The following PDE3A variants were observed in gnomAD, a reference collection of about 807,000 sequenced individuals.
PDE3A encodes phosphodiesterase 3A, also known as cGMP-inhibited 3',5'-cyclic phosphodiesterase 3A.
In PDE3A, 43 loss-of-function variants were observed where a neutral mutation model predicts 98.3. The ratio of observed to expected loss-of-function variants is 0.44; its 90% CI spans 0.34 to 0.56. PDE3A has a LOEUF of 0.56. Ranked by LOEUF, PDE3A falls within the 20% of genes least tolerant of loss-of-function variation. PDE3A has a pLI of 0.01. For synonymous variants in PDE3A, 663 were observed against 567.9 expected, an observed-to-expected ratio of 1.17 and a Z score of -2.38; for missense variants, 1,427 against 1,440.7, an observed-to-expected ratio of 0.99 and a Z score of 0.15.
intron 1 of PDE3A, among the ~76,000 whole-genome samples, chr12:20,416,538 T>C (rs796443999): frequency 3.9e-5 from 6 of 152,304 alleles, no homozygotes; most frequent in African/African-American, 1.4e-4. Context: ...AAATAAAATC[T>C]TCTAAAGTTT....
intron 1 of PDE3A, among the ~76,000 whole-genome samples, chr12:20,378,827 T>C (rs996857256): frequency 1.3e-5 from 2 of 151,730 alleles, no homozygotes; most frequent in Non-Finnish European, 3.0e-5. Flanking sequence ...CTTTTTTTTT[T>C]GGTCAGTCTT....
intron 1 of PDE3A, among the ~76,000 whole-genome samples, chr12:20,399,893 G>T (rs10841507): frequency 2.6e-5 from 4 of 152,160 alleles, no homozygotes; most frequent in African/African-American, 9.7e-5. Flanking sequence ...GCAATCATTT[G>T]TGTATTTGTA....
At chr12:20,371,793 G>A (rs1330182303) in intron 1 of PDE3A, among the ~76,000 whole-genome samples, 2 of 152,152 alleles carry the variant, frequency 1.3e-5, no homozygotes, top group Admixed American at 6.5e-5. Context: ...AATGGAGTAA[G>A]TTATCTATTT....
intron 1 of PDE3A, among the ~76,000 whole-genome samples, chr12:20,550,566 A>ATAAAT (rs558443649): frequency 6.6e-6 from 1 of 152,220 alleles, no homozygotes; most frequent in Non-Finnish European, 1.5e-5. Flanking sequence ...CAGTAAATCC[A>ATAAAT]TAAATTAAAA....
intron 1 of PDE3A, among the ~76,000 whole-genome samples, chr12:20,403,288 C>T (rs1401014556): frequency 2.0e-5 from 3 of 152,118 alleles, no homozygotes; most frequent in Non-Finnish European, 4.4e-5. Flanking sequence ...AGTATGTGTG[C>T]CTCTTTAAAT....
chr12:20,446,907 A>G (rs1944966207), intron 1 of PDE3A, among the ~76,000 whole-genome samples: 1 of 152,202 alleles, frequency 6.6e-6, no homozygotes, highest in African/African-American at 2.4e-5. Context: ...CTGCAGTCCA[A>G]GGAGAAAAAA....
At chr12:20,492,263 T>A (rs914873907) in intron 1 of PDE3A, among the ~76,000 whole-genome samples, 3 of 152,022 alleles carry the variant, frequency 2.0e-5, no homozygotes, top group African/African-American at 7.2e-5. Flanking sequence ...GGATTACAAG[T>A]GTGAGCCACT....
At chr12:20,432,623 A>C (rs1944716824) in intron 1 of PDE3A, among the ~76,000 whole-genome samples, 1 of 152,190 alleles carries the variant, frequency 6.6e-6, no homozygotes, top group African/African-American at 2.4e-5. Flanking sequence ...TTAATAAAAT[A>C]GGTCAAAAAA....
intron 2 of PDE3A, among the ~76,000 whole-genome samples, chr12:20,609,612 A>G (rs917621998): frequency 3.3e-5 from 5 of 152,056 alleles, no homozygotes; most frequent in Admixed American, 2.0e-4. Context: ...CTGAGGGGAA[A>G]ACGGTTGAAG....
At chr12:20,399,635 A>G (rs1284411286) in intron 1 of PDE3A, among the ~76,000 whole-genome samples, 3 of 152,232 alleles carry the variant, frequency 2.0e-5, no homozygotes, top group Non-Finnish European at 4.4e-5. Context: ...ATCCTAGAGA[A>G]GCAAAGAAGC....
At chr12:20,568,856 A>G (rs1397245871) in intron 2 of PDE3A, among the ~76,000 whole-genome samples, 1 of 152,008 alleles carries the variant, frequency 6.6e-6, no homozygotes, top group Non-Finnish European at 1.5e-5. Context: ...TAGTTTAGAG[A>G]GCATGGAAAA....
intron 1 of PDE3A, among the ~76,000 whole-genome samples, chr12:20,405,996 A>T (rs1944226117): frequency 2.0e-5 from 3 of 152,132 alleles, no homozygotes; most frequent in Admixed American, 2.0e-4. Context: ...GGCTTATTTC[A>T]CTTAGCATGA....
rs1945728713 is a variant in PDE3A at position 20,679,893 on chromosome 12, TA to T, written c.3185-135del. 3 of 62,624 alleles carry T rather than the reference TA, an allele frequency of 4.8e-5. 1 individual carries two copies. The highest frequency in any genetic ancestry group is 9.8e-5 in the Non-Finnish European group (3 of 30,542). The allele number at this position is 62,624 out of a possible 1,614,324, so 3.9% of individuals were successfully genotyped here. On this transcript the variant is annotated intron_variant, in intron 15 of 15. Transcript: ENST00000359062. The stretch of plus-strand genomic sequence containing the variant: ...TATAATATATATATTATATATATAA[TA>T]ATATATATATAATATAATATAATAT...
intron 1 of PDE3A, among the ~76,000 whole-genome samples, chr12:20,413,490 T>C (rs1944368972): frequency 6.6e-6 from 1 of 152,096 alleles, no homozygotes; most frequent in African/African-American, 2.4e-5. Context: ...CATGACTGTA[T>C]TTCTCCTGTG....
Position 20,687,344 on chromosome 12 carries a change from C to T in PDE3A, c.*7073C>T, listed in dbSNP as rs531543305. ...TAATTTAGTATTATAGTATTGCTAA[C>T]TTTAATAATTCTACCATATCTATAT... On this transcript the variant is annotated 3_prime_UTR_variant, in exon 16 of 16. Transcript: ENST00000359062. Among the ~76,000 whole-genome samples, 87 of 152,062 alleles carry T rather than the reference C, an allele frequency of 5.7e-4. No individual in the cohort carries two copies. Among genetic ancestry groups the T allele is most frequent in the African/African-American group, 2.1e-3 (86 of 41,522 alleles).
intron 2 of PDE3A, among the ~76,000 whole-genome samples, chr12:20,576,608 G>A (rs60644227): frequency 0.017 from 2,588 of 152,168 alleles, 71 homozygotes; most frequent in African/African-American, 0.06. Context: ...GCAATAAACA[G>A]AAAAGAGAAA....
At chr12:20,487,921 AG>A (rs1396804896) in intron 1 of PDE3A, among the ~76,000 whole-genome samples, 2 of 152,146 alleles carry the variant, frequency 1.3e-5, no homozygotes, top group Non-Finnish European at 2.9e-5. Context: ...TTTTTAATAC[AG>A]CTCATATTGA....
At chr12:20,518,566 TA>T (rs5796865) in intron 1 of PDE3A, among the ~76,000 whole-genome samples, 143,886 of 151,770 alleles carry the variant, frequency 0.95, 68,298 homozygotes, top group East Asian at 1. Flanking sequence ...ATTCTGTCAT[TA>T]AAAAAAAAGC....
At chr12:20,557,486 A>C (rs1942399184) in intron 2 of PDE3A, among the ~76,000 whole-genome samples, 1 of 152,164 alleles carries the variant, frequency 6.6e-6, no homozygotes, top group Non-Finnish European at 1.5e-5. Flanking sequence ...AGTGGGTGGA[A>C]ATTTTTGCTT....
Sources: gnomAD v4.1 joint callset for allele counts (sites outside exome capture counted in the v4.1 genomes callset) on GRCh38, gnomAD v4.1.1 for gene constraint, MANE v1.5 for transcripts, NCBI Gene and HGNC (gene_info 2026-07-23, HGNC 2026-07-21) for gene names.